SSBP2: variants seen among roughly 807,000 people sequenced by gnomAD.
The protein encoded by SSBP2 is single stranded DNA binding protein 2, also known as single-stranded DNA-binding protein 2.
In SSBP2, 17 loss-of-function variants were observed where a neutral mutation model predicts 61.8. The ratio of observed to expected loss-of-function variants is 0.28; its 90% CI spans 0.19 to 0.41. SSBP2 has a LOEUF of 0.41. Among genes scored for constraint, SSBP2 ranks in the 10% least tolerant of loss-of-function variants. SSBP2 has a pLI of 1.00. For missense variants in SSBP2, 310 were observed against 458.7 expected (o/e 0.68, Z 2.96); for synonymous variants, 139 against 141.3 (o/e 0.98, Z 0.12).
At chr5:81,420,849 A>T (rs1486944658) in intron 16 of SSBP2, among the ~76,000 whole-genome samples, 3 of 152,030 alleles carry the variant, frequency 2.0e-5, no homozygotes, top group Non-Finnish European at 4.4e-5. Context: ...ACTTGTAAAA[A>T]CCTTTGGTAA....
chr5:81,501,920 A>G (rs1433323449), intron 5 of SSBP2, among the ~76,000 whole-genome samples: 1 of 151,782 alleles, frequency 6.6e-6, no homozygotes, highest in African/African-American at 2.4e-5. Flanking sequence ...GGATGGGAAT[A>G]GCAGATACTC....
intron 4 of SSBP2, among the ~76,000 whole-genome samples, chr5:81,586,544 G>A (rs1283773144): frequency 6.7e-6 from 1 of 148,636 alleles, no homozygotes; most frequent in Non-Finnish European, 1.5e-5. Flanking sequence ...AGAACATGAG[G>A]AAACATTCCA....
At chr5:81,512,788 C>G (rs976270353) in intron 5 of SSBP2, among the ~76,000 whole-genome samples, 1 of 151,986 alleles carries the variant, frequency 6.6e-6, no homozygotes, top group Non-Finnish European at 1.5e-5. Context: ...TCTGAAAATA[C>G]AAAATGGAAG....
At chr5:81,677,940 A>G (rs1211337487) in intron 1 of SSBP2, among the ~76,000 whole-genome samples, 1 of 151,880 alleles carries the variant, frequency 6.6e-6, no homozygotes, top group Non-Finnish European at 1.5e-5. Context: ...CCAACACAAC[A>G]CCACTAAGCT....
At chr5:81,749,592 C>T (rs1401671005) in intron 1 of SSBP2, among the ~76,000 whole-genome samples, 2 of 151,748 alleles carry the variant, frequency 1.3e-5, no homozygotes, top group Non-Finnish European at 2.9e-5. Context: ...AGACAGGGTG[C>T]GTTCAACGAC....
chr5:81,734,652 T>G (rs1756474878), intron 1 of SSBP2, among the ~76,000 whole-genome samples: 1 of 152,200 alleles, frequency 6.6e-6, no homozygotes. Flanking sequence ...TTTCAAATAA[T>G]GTCACTTTAT....
chr5:81,671,749 TAATTAA>T (rs963146560), intron 1 of SSBP2, among the ~76,000 whole-genome samples: 24 of 152,070 alleles, frequency 1.6e-4, no homozygotes, highest in Non-Finnish European at 3.2e-4. Flanking sequence ...ACAAGACATA[TAATTAA>T]AATTAAGATC....
At chr5:81,475,517 A>G (rs1765527854) in intron 6 of SSBP2, among the ~76,000 whole-genome samples, 1 of 152,086 alleles carries the variant, frequency 6.6e-6, no homozygotes. Flanking sequence ...TTGAGATCCT[A>G]CTACATTATC....
At chr5:81,592,029 G>T (rs1775550192) in intron 4 of SSBP2, among the ~76,000 whole-genome samples, 1 of 152,218 alleles carries the variant, frequency 6.6e-6, no homozygotes, top group African/African-American at 2.4e-5. Flanking sequence ...GCCGAAGCAG[G>T]GCGAGGCATC....
chr5:81,520,572 C>T (rs1769399033), intron 4 of SSBP2, among the ~76,000 whole-genome samples: 1 of 151,896 alleles, frequency 6.6e-6, no homozygotes, highest in Non-Finnish European at 1.5e-5. Context: ...TTTGTTTTTT[C>T]TAGTTTTCCA....
At chr5:81,493,307 C>T (rs1039798991) in intron 5 of SSBP2, among the ~76,000 whole-genome samples, 1 of 142,422 alleles carries the variant, frequency 7.0e-6, no homozygotes, top group South Asian at 2.3e-4. Context: ...GATAGATTAA[C>T]AGGGTCTTGC....
intron 4 of SSBP2, among the ~76,000 whole-genome samples, chr5:81,609,118 C>A (rs1745189002): frequency 6.6e-6 from 1 of 152,086 alleles, no homozygotes; most frequent in South Asian, 2.1e-4. Context: ...GATCTATGGC[C>A]CTTCTACAAT....
At chr5:81,662,147 G>A (rs186524160) in intron 1 of SSBP2, among the ~76,000 whole-genome samples, 3 of 152,252 alleles carry the variant, frequency 2.0e-5, no homozygotes, top group Non-Finnish European at 1.5e-5. Context: ...CTGAGAAAAT[G>A]TCATTGCCAT....
chr5:81,696,458 A>G (rs1753609418), intron 1 of SSBP2, among the ~76,000 whole-genome samples: 1 of 152,138 alleles, frequency 6.6e-6, no homozygotes, highest in South Asian at 2.1e-4. Context: ...AATGGAAAAA[A>G]TCCCTGCTCC....
At chr5:81,650,148 G>A (rs892692466) in intron 2 of SSBP2, 119 bp downstream of exon 2, 14 of 662,362 alleles carry the variant, frequency 2.1e-5, no homozygotes, top group Non-Finnish European at 3.3e-5. Context: ...CTATGTATAC[G>A]GATAACTAGG....
At chr5:81,703,897 T>C (rs1296727274) in intron 1 of SSBP2, among the ~76,000 whole-genome samples, 1 of 152,206 alleles carries the variant, frequency 6.6e-6, no homozygotes, top group Admixed American at 6.5e-5. Flanking sequence ...TTTTGTTTTA[T>C]AGTAAATAGA....
At position 81,676,411 on chromosome 5, in the gene SSBP2, G is replaced by A. The variant is rs146527878; in HGVS notation, c.63-26072C>T. Among the ~76,000 whole-genome samples, 64 of 152,192 alleles carry A rather than the reference G, an allele frequency of 4.2e-4. No individual in the cohort carries two copies. In the Middle Eastern group the frequency reaches 0.01, roughly 24 times the overall value. On this transcript the variant is annotated intron_variant, in intron 1 of 16. Coordinates refer to ENST00000320672, the MANE Select transcript of SSBP2 (RefSeq NM_012446.5). ...AGACCTTCATATCTACAGGAGAGGGGCCAGATATGTAAATATGCAAGCACG... is the reference window on the plus strand; with the variant it reads ...AGACCTTCATATCTACAGGAGAGGGACCAGATATGTAAATATGCAAGCACG...
chr5:81,650,466 C>A, intron 1 of SSBP2, 127 bp from the exon 2 acceptor site: 1 of 494,530 alleles, frequency 2.0e-6, no homozygotes, highest in Non-Finnish European at 3.5e-6. Context: ...CCTTCCCATA[C>A]TATTTCAATA....
chr5:81,725,100 T>G (rs1380692499), intron 1 of SSBP2, among the ~76,000 whole-genome samples: 1 of 152,098 alleles, frequency 6.6e-6, no homozygotes, highest in African/African-American at 2.4e-5. Flanking sequence ...GGTTTTGTTG[T>G]GATAAAGACA....
Sources: allele counts gnomAD v4.1 joint callset (sites outside exome capture counted in the v4.1 genomes callset), GRCh38; gene constraint gnomAD v4.1.1; transcripts MANE v1.5; gene names NCBI Gene and HGNC (gene_info 2026-07-23, HGNC 2026-07-21).